CEP164: variants seen among roughly 807,000 people sequenced by gnomAD.
The protein encoded by CEP164 is centrosomal protein of 164 kDa.
Under a neutral mutation model 182.7 loss-of-function variants are expected in CEP164, and 162 were observed. The ratio of observed to expected loss-of-function variants is 0.89; its 90% CI spans 0.78 to 1.01. CEP164 has a LOEUF of 1.01. CEP164 is among the 50% of genes least tolerant of loss of function. CEP164 has a pLI of 0.00. For synonymous variants in CEP164, 661 were observed against 690.0 expected (o/e 0.96, Z 0.66); for missense variants, 1,735 against 1,790.4 (o/e 0.97, Z 0.56).
Position 117,392,561 on chromosome 11 carries a change from G to C in CEP164, c.2427G>C (p.Lys809Asn), listed in dbSNP as rs201002987. 6.2e-7 allele frequency: 1 copy of C among 1,614,210 alleles called. No individual in the cohort carries two copies. Among genetic ancestry groups the C allele is most frequent in the South Asian group, 1.1e-5 (1 of 91,088 alleles). The change falls in exon 19 of 33, where the codon AAG becomes AAC. Residue 809 changes from lysine to asparagine, a missense_variant. Lys to Asn is a moderately conservative substitution (Grantham distance 94, BLOSUM62 0). Transcript: ENST00000278935. Reference protein sequence around the residue: ...AQQKEEAQLQKCLGQVEHRVH... With the variant: ...AQQKEEAQLQNCLGQVEHRVH... ...AGAAAGAGGAGGCCCAGCTGCAGAA[G>C]TGCCTTGGGCAAGTGGAGCACAGAG...
intron 27 of CEP164, 81 bp downstream of exon 27, chr11:117,397,394 C>G: frequency 7.4e-7 from 1 of 1,351,070 alleles, no homozygotes; most frequent in Non-Finnish European, 1.0e-6. Flanking sequence ...TGGGCTCCCC[C>G]TCAGTTGGTC....
At chr11:117,368,354 A>G (rs1490679838) in intron 8 of CEP164, among the ~76,000 whole-genome samples, 1 of 151,974 alleles carries the variant, frequency 6.6e-6, no homozygotes, top group Non-Finnish European at 1.5e-5. Flanking sequence ...GTGGGAGGAG[A>G]GGGTGTCTGA....
At position 117,378,374 on chromosome 11, in the gene CEP164, T is replaced by TA. The variant is rs2042970392; in HGVS notation, c.1318-2235dup. Among the ~76,000 whole-genome samples the TA allele has an allele frequency of 2.0e-5, 3 of 152,208 alleles. No individual in the cohort carries two copies. The South Asian group carries it at 6.2e-4, about 32-fold the overall frequency. ...TTTTCTCTTATCTTTTTTCTTCCCA[T>TA]AAAAATTGGGATTGTGCTACCTAAA... On this transcript the variant is annotated intron_variant, in intron 11 of 32. Transcript: ENST00000278935.
At chr11:117,355,307 G>A in intron 5 of CEP164, 2 of 1,289,846 alleles carry the variant, frequency 1.6e-6, no homozygotes, top group Non-Finnish European at 2.0e-6. Flanking sequence ...TCCTGAAACA[G>A]AAGAGCTGGA....
chr11:117,393,332 TTTTTGCCTTTTTTATTAAAA>T (rs2044970491), intron 20 of CEP164, among the ~76,000 whole-genome samples: 1 of 152,160 alleles, frequency 6.6e-6, no homozygotes, highest in Non-Finnish European at 1.5e-5. Flanking sequence ...ACGATGATGT[TTTTTGCCTTTTTTATTAAAA>T]CATGAGAAAA....
intron 30 of CEP164, chr11:117,410,570 C>G: frequency 2.7e-6 from 1 of 375,444 alleles, no homozygotes; most frequent in African/African-American, 2.0e-5. Context: ...GGTCTCAGCC[C>G]TGCTGAGGAT....
At chr11:117,390,132 G>A (rs555990296) in intron 15 of CEP164, among the ~76,000 whole-genome samples, 11 of 151,824 alleles carry the variant, frequency 7.2e-5, no homozygotes, top group African/African-American at 2.2e-4. Context: ...TAGTAGAGAC[G>A]GGGTTTCGCC....
chr11:117,390,682 C>A, intron 15 of CEP164, 95 bp from the exon 16 acceptor site: 1 of 1,455,850 alleles, frequency 6.9e-7, no homozygotes, highest in Non-Finnish European at 9.3e-7. Flanking sequence ...CTTAGGCAGG[C>A]AACAGGGCTA....
rs1377025009 is a variant in CEP164, at chr11:117,391,176, G to T, written c.2244G>T (p.Leu748=). 68 of 1,612,776 alleles carry T rather than the reference G, an allele frequency of 4.2e-5. No individual in the cohort carries two copies. In the Admixed American group the frequency reaches 1.1e-3, roughly 27 times the overall value. The change falls in exon 17 of 33, where the codon CTG becomes CTT. Residue 748 remains leucine (L), a synonymous_variant. Transcript: ENST00000278935. ...AALNAAKEKA[L]QQLREQLEGE... ...TGAATGCTGCAAAGGAGAAGGCTCTGCAGCAGCTGAGGGAGCAGCTGGAAG... is the reference window on the plus strand; with the variant it reads ...TGAATGCTGCAAAGGAGAAGGCTCTTCAGCAGCTGAGGGAGCAGCTGGAAG...
At chr11:117,330,381 G>A (rs484553) in intron 1 of CEP164, among the ~76,000 whole-genome samples, 1 of 151,942 alleles carries the variant, frequency 6.6e-6, no homozygotes, top group South Asian at 2.1e-4. Context: ...TACTTGGCGC[G>A]GTGACTCACG....
rs958553606 is a variant in CEP164 at position 117,388,246 on chromosome 11, G to A, written c.1934+834G>A. ...TGACTGTGCTTTCCATCTCTCTCCC[G>A]AGGCCCCTGACTCCAGAGGCCCTCT... On this transcript the variant is annotated intron_variant, in intron 15 of 32. Transcript: ENST00000278935. Among the ~76,000 whole-genome samples, 14 of 152,240 alleles carry A rather than the reference G, an allele frequency of 9.2e-5. No homozygotes were observed. The South Asian group carries it at 1.7e-3, about 18-fold the overall frequency.
At chr11:117,408,709 A>G in intron 28 of CEP164, 181 bp from the exon 29 acceptor site, 1 of 769,610 alleles carries the variant, frequency 1.3e-6, no homozygotes, top group South Asian at 1.9e-5. Context: ...TGTAGCAACA[A>G]AATTGCTAGG....
At chr11:117,381,010 G>T (rs1044317092) in intron 12 of CEP164, among the ~76,000 whole-genome samples, 5 of 152,206 alleles carry the variant, frequency 3.3e-5, no homozygotes, top group Non-Finnish European at 7.3e-5. Flanking sequence ...CCATTGTGGG[G>T]CCAGGGCTGA....
At position 117,344,182 on chromosome 11, in the gene CEP164, C is replaced by A; in HGVS notation, c.99C>A (p.Ala33=). ...IPSEQEILEF[A]REIGIDPIKE... ...TCCTTGCAGAAATTCTTGAATTTGC[C>A]CGGGAGATTGGTATTGATCCCATCA... The change falls in exon 4 of 33, where the codon GCC becomes GCA. Residue 33 remains alanine, a synonymous_variant. Coordinates refer to ENST00000278935, the MANE Select transcript of CEP164 (RefSeq NM_014956.5). 1 of 1,611,468 alleles carries A rather than the reference C, an allele frequency of 6.2e-7. No homozygotes were observed. The highest frequency in any genetic ancestry group is 1.1e-5 in the South Asian group (1 of 90,602).
intron 15 of CEP164, among the ~76,000 whole-genome samples, chr11:117,390,550 TGCTTA>T (rs2044507280): frequency 6.6e-6 from 1 of 151,524 alleles, no homozygotes. Flanking sequence ...GCGAGAGGAT[TGCTTA>T]AGCCCAGGAG....
rs1012716494 is a variant in CEP164 at position 117,394,187 on chromosome 11, C to T, written c.2617-163C>T. On this transcript the variant is annotated intron_variant, in intron 20 of 32. Transcript: ENST00000278935. The surrounding 1 kb of genome is among the most constrained non-coding windows in gnomAD (Gnocchi z 4.0). The stretch of plus-strand genomic sequence containing the variant: ...GCTGCAGGCTTGCTGGGGCCAGGGC[C>T]GGTGCTGTGCTTGTAACCCTCCTCT... Among the ~76,000 whole-genome samples, 7 of 152,180 alleles carry T rather than the reference C, an allele frequency of 4.6e-5. No homozygotes were observed. Among genetic ancestry groups the T allele is most frequent in the African/African-American group, 7.2e-5 (3 of 41,448 alleles).
At chr11:117,377,435 G>T (rs950233199) in intron 11 of CEP164, among the ~76,000 whole-genome samples, 3 of 152,204 alleles carry the variant, frequency 2.0e-5, no homozygotes, top group African/African-American at 4.8e-5. Flanking sequence ...TGTGATGTGG[G>T]TAACAGTGCT....
At position 117,409,305 on chromosome 11, in the gene CEP164, A is replaced by C; in HGVS notation, c.3748+277A>C. ...CCTCTTCTCTTCCAGGGCCTCCTTG[A>C]GGAGGCTTTTCTCTCTCAGCTGCCC... On this transcript the variant is annotated intron_variant, in intron 29 of 32. Coordinates refer to ENST00000278935, the MANE Select transcript of CEP164 (RefSeq NM_014956.5). This position sits in a 1 kb window ranked among gnomAD's most constrained non-coding sequence, Gnocchi z 4.4. 1.7e-6 allele frequency: 1 copy of C among 575,970 alleles called. No homozygotes were observed. Among genetic ancestry groups the C allele is most frequent in the Non-Finnish European group, 3.1e-6 (1 of 325,732 alleles). 35.7% of individuals were successfully genotyped at this position (575,970 alleles called of 1,614,324 possible).
chr11:117,350,291 C>T (rs142512666), intron 4 of CEP164, among the ~76,000 whole-genome samples: 39 of 152,092 alleles, frequency 2.6e-4, no homozygotes, highest in Non-Finnish European at 4.9e-4. Flanking sequence ...TAGCCTTGAA[C>T]TCCTGGGCTC....
Sources: allele counts gnomAD v4.1 joint callset (sites outside exome capture counted in the v4.1 genomes callset), GRCh38; gene constraint gnomAD v4.1.1; non-coding constraint Gnocchi (gnomAD v3.1); transcripts MANE v1.5; gene names NCBI Gene and HGNC (gene_info 2026-07-23, HGNC 2026-07-21).